Variants in DENR observed in about 807,000 individuals in gnomAD.
DENR encodes the protein density-regulated protein.
Under a neutral mutation model 30.6 loss-of-function variants are expected in DENR, and 6 were observed. That is an observed-to-expected ratio of 0.20 (90% CI 0.11 to 0.39). The LOEUF is 0.39. DENR is among the 10% of genes least tolerant of loss of function. The pLI is 1.00. For synonymous variants in DENR, 78 were observed against 72.1 expected (o/e 1.08, Z -0.41); for missense variants, 141 against 230.9 (o/e 0.61, Z 2.52).
intron 2 of DENR, among the ~76,000 whole-genome samples, chr12:122,759,032 A>G (rs1026007484): frequency 1.1e-4 from 17 of 151,684 alleles, no homozygotes; most frequent in Non-Finnish European, 1.5e-5. Context: ...TTTAGTAGAG[A>G]TGGGGTTTCA....
rs1566057734 is a variant in DENR, at chr12:122,752,946, C to T, written c.-14C>T. 1 of 152,362 alleles carries T rather than the reference C, an allele frequency of 6.6e-6. No individual in the cohort carries two copies. Among genetic ancestry groups the T allele is most frequent in the Non-Finnish European group, 1.5e-5 (1 of 68,138 alleles). The allele number at this position is 152,362 out of a possible 1,614,324, so 9.4% of individuals were successfully genotyped here. A position where few individuals can be genotyped will look rare whatever the true frequency, so the allele number is the denominator to read the frequency against. On this transcript the variant is annotated 5_prime_UTR_variant, in exon 1 of 8. Transcript: ENST00000280557. ...GGAGCCGGCGGGGCCTGTGCGACCG[C>T]CTGGGTAACGACCCCAAGTGCTTCT... is the stretch of plus-strand genomic sequence containing the variant.
intron 6 of DENR, 145 bp downstream of exon 6, chr12:122,767,749 ACTATAG>A (rs1878885538): frequency 2.3e-6 from 1 of 442,650 alleles, no homozygotes; most frequent in Admixed American, 4.4e-5. Context: ...TGCATTTCTA[ACTATAG>A]CTTCAAAATC....
At chr12:122,760,308 C>G (rs543120682) in intron 2 of DENR, among the ~76,000 whole-genome samples, 2 of 152,158 alleles carry the variant, frequency 1.3e-5, no homozygotes, top group South Asian at 2.1e-4. Context: ...TAAGGCATAG[C>G]AAAACATTTG....
chr12:122,762,265 G>A, intron 3 of DENR, 59 bp downstream of exon 3: 1 of 1,158,676 alleles, frequency 8.6e-7, no homozygotes, highest in East Asian at 2.7e-5. Flanking sequence ...TGGTTTTAAA[G>A]CTACCTTGAG....
intron 4 of DENR, among the ~76,000 whole-genome samples, chr12:122,763,651 A>C (rs1878766550): frequency 6.6e-6 from 1 of 152,200 alleles, no homozygotes; most frequent in Non-Finnish European, 1.5e-5. Flanking sequence ...CAGTGAGCCG[A>C]GATGGCACCA....
At chr12:122,765,194 A>G (rs2135511969) in intron 4 of DENR, 110 bp from the exon 5 acceptor site, 1 of 760,848 alleles carries the variant, frequency 1.3e-6, no homozygotes, top group Non-Finnish European at 2.1e-6. Context: ...TTTCATGCTC[A>G]GCTGTTGGTA....
intron 2 of DENR, among the ~76,000 whole-genome samples, chr12:122,755,073 A>C (rs12310386): frequency 0.053 from 8,059 of 152,320 alleles, 398 homozygotes; most frequent in East Asian, 0.27. Flanking sequence ...GAAGAATCCA[A>C]GTATGCTGCA....
At chr12:122,764,489 C>G (rs1441197526) in intron 4 of DENR, among the ~76,000 whole-genome samples, 2 of 152,022 alleles carry the variant, frequency 1.3e-5, no homozygotes, top group East Asian at 3.9e-4. Context: ...GTCCCAGCTA[C>G]TTTGGGAGGC....
intron 5 of DENR, among the ~76,000 whole-genome samples, chr12:122,766,605 C>T (rs1189189697): frequency 1.3e-5 from 2 of 152,164 alleles, no homozygotes; most frequent in Non-Finnish European, 2.9e-5. Flanking sequence ...TACTGAGTCT[C>T]GAGTCTCAAG....
In DENR at chr12:122,770,436, T is replaced by C. The variant is rs1470708230; in HGVS notation, c.*1358T>C. On this transcript the variant is annotated 3_prime_UTR_variant, in exon 8 of 8. Transcript: ENST00000280557. The stretch of plus-strand genomic sequence containing the variant: ...AGACATTTATCGTCATCATCTGCTC[T>C]GAGTGGAAGGCCGTTCAGAGAGGCT... 1 of 394,690 alleles carries C rather than the reference T, an allele frequency of 2.5e-6. No individual in the cohort carries two copies. The highest frequency in any genetic ancestry group is 4.5e-6 in the Non-Finnish European group (1 of 224,126). 24.4% of individuals were successfully genotyped at this position (394,690 alleles called of 1,614,324 possible). A position where few individuals can be genotyped will look rare whatever the true frequency, so the allele number is the denominator to read the frequency against.
intron 2 of DENR, among the ~76,000 whole-genome samples, chr12:122,756,876 T>C (rs1190630409): frequency 6.6e-6 from 1 of 152,208 alleles, no homozygotes; most frequent in Non-Finnish European, 1.5e-5. Flanking sequence ...GGCAGGCTTA[T>C]TGGCCAGGCT....
chr12:122,769,542 T>C lies in DENR; in HGVS notation c.*464T>C, dbSNP rs1157179343. 1 of 940,388 alleles carries C rather than the reference T, an allele frequency of 1.1e-6. No individual in the cohort carries two copies. Among genetic ancestry groups the C allele is most frequent in the African/African-American group, 1.8e-5 (1 of 55,690 alleles). The allele number at this position is 940,388 out of a possible 1,614,324, so 58.3% of individuals were successfully genotyped here. A position where few individuals can be genotyped will look rare whatever the true frequency, so the allele number is the denominator to read the frequency against. ...TTTTTTTTTTGACAGAGTCTCGCAC[T>C]GTTGCCTGGGCTGGAATGCAGTGGT... is the stretch of plus-strand genomic sequence containing the variant. On this transcript the variant is annotated 3_prime_UTR_variant, in exon 8 of 8. Coordinates refer to ENST00000280557, the MANE Select transcript of DENR (RefSeq NM_003677.5).
At chr12:122,763,325 G>C (rs1460893868) in intron 4 of DENR, 1 of 161,180 alleles carries the variant, frequency 6.2e-6, no homozygotes, top group Non-Finnish European at 1.3e-5. Flanking sequence ...CGTGAACCTG[G>C]GAGGCAGAGC....
At position 122,770,334 on chromosome 12, in the gene DENR, G is replaced by C; in HGVS notation, c.*1256G>C. On this transcript the variant is annotated 3_prime_UTR_variant, in exon 8 of 8. Coordinates refer to ENST00000280557, the MANE Select transcript of DENR (RefSeq NM_003677.5). ...TTGTGTGGTAGAATATTATGCATAT[G>C]TTTAAAGAATCATATTTTCTAAGAT... 1 of 296,370 alleles carries C rather than the reference G, an allele frequency of 3.4e-6. No individual in the cohort carries two copies. The allele number at this position is 296,370 out of a possible 1,614,324, so 18.4% of individuals were successfully genotyped here. A position where few individuals can be genotyped will look rare whatever the true frequency, so the allele number is the denominator to read the frequency against.
chr12:122,769,193 T>C lies in DENR; in HGVS notation c.*115T>C, dbSNP rs368631825. On this transcript the variant is annotated 3_prime_UTR_variant, in exon 8 of 8. Coordinates refer to ENST00000280557, the MANE Select transcript of DENR (RefSeq NM_003677.5). ...ACATATATATGTATATATACACATA[T>C]ATGTATGTATACACATATACACATG... is the stretch of plus-strand genomic sequence containing the variant. 2.0e-6 allele frequency: 2 copies of C among 1,011,566 alleles called. No homozygotes were observed. Among genetic ancestry groups the C allele is most frequent in the Non-Finnish European group, 2.6e-6 (2 of 776,592 alleles). 62.7% of individuals were successfully genotyped at this position (1,011,566 alleles called of 1,614,324 possible). A position where few individuals can be genotyped will look rare whatever the true frequency, so the allele number is the denominator to read the frequency against.
chr12:122,762,301 A>G (rs1405849810), intron 3 of DENR, 95 bp downstream of exon 3: 7 of 870,930 alleles, frequency 8.0e-6, no homozygotes, highest in Non-Finnish European at 1.2e-5. Context: ...TTCATTTTTG[A>G]TTATTTGATA....
chr12:122,764,329 A>ATG (rs1878787103), intron 4 of DENR, among the ~76,000 whole-genome samples: 1 of 152,152 alleles, frequency 6.6e-6, no homozygotes, highest in Non-Finnish European at 1.5e-5. Context: ...GGCCGGGTGC[A>ATG]GTGGCTCACG....
chr12:122,764,864 T>C (rs1447724243), intron 4 of DENR, among the ~76,000 whole-genome samples: 1 of 152,200 alleles, frequency 6.6e-6, no homozygotes, highest in Non-Finnish European at 1.5e-5. Flanking sequence ...ACTCCATCAC[T>C]GTCAGTGGTT....
chr12:122,760,655 C>T (rs1051616104), intron 2 of DENR, among the ~76,000 whole-genome samples: 6 of 152,146 alleles, frequency 3.9e-5, no homozygotes, highest in Non-Finnish European at 7.4e-5. Flanking sequence ...GGCGTGAACC[C>T]GGGAGGCGGA....
Sources: allele counts gnomAD v4.1 joint callset (sites outside exome capture counted in the v4.1 genomes callset), GRCh38; gene constraint gnomAD v4.1.1; transcripts MANE v1.5; gene names NCBI Gene and HGNC (gene_info 2026-07-23, HGNC 2026-07-21).